Variants in SLC9A3 observed in about 807,000 individuals in gnomAD.
SLC9A3 encodes the protein sodium/hydrogen exchanger 3.
A neutral mutation model predicts 86.8 loss-of-function variants in SLC9A3; 37 were observed. That is an observed-to-expected ratio of 0.43 (90% CI 0.33 to 0.56). The LOEUF is 0.56. Ranked by LOEUF, SLC9A3 falls within the 20% of genes least tolerant of loss-of-function variation. The pLI is 0.06. For missense variants in SLC9A3, 1,011 were observed against 1,171.9 expected, an observed-to-expected ratio of 0.86 and a Z score of 2.00; for synonymous variants, 581 against 528.3, an observed-to-expected ratio of 1.10 and a Z score of -1.37.
intron 1 of SLC9A3, among the ~76,000 whole-genome samples, chr5:503,783 A>G (rs77239163): frequency 0.013 from 1,978 of 152,380 alleles, 41 homozygotes; most frequent in African/African-American, 0.045. Flanking sequence ...TTACCAATAA[A>G]GAACTTTCTT....
intron 4 of SLC9A3, 73 bp downstream of exon 4, chr5:485,080 C>T: frequency 8.8e-7 from 1 of 1,136,850 alleles, no homozygotes; most frequent in Non-Finnish European, 1.3e-6. Flanking sequence ...CCTGCATGGG[C>T]TGCAGGCCAG....
intron 1 of SLC9A3, among the ~76,000 whole-genome samples, chr5:507,328 C>T (rs1405505980): frequency 5.7e-4 from 72 of 126,778 alleles, no homozygotes; most frequent in South Asian, 1.3e-3. Flanking sequence ...CCACCACGCC[C>T]AGCTAATTTT....
chr5:506,866 G>A (rs893829965), intron 1 of SLC9A3, among the ~76,000 whole-genome samples: 7 of 147,786 alleles, frequency 4.7e-5, no homozygotes, highest in African/African-American at 7.5e-5. Flanking sequence ...ATGAGATCGA[G>A]ACCAGCCTGG....
chr5:486,200 G>A (rs556177013), intron 3 of SLC9A3, among the ~76,000 whole-genome samples: 2 of 152,272 alleles, frequency 1.3e-5, no homozygotes, highest in South Asian at 4.1e-4. Context: ...CCCTCCGGCT[G>A]CGTCTGCAGG....
Position 486,528 on chromosome 5 carries a change from G to A in SLC9A3, c.676-1297C>T, listed in dbSNP as rs186170838. 3.7e-3 allele frequency among the ~76,000 whole-genome samples: 562 copies of A among 152,278 alleles called. 2 individuals are homozygous for A. The highest frequency in any genetic ancestry group is 0.011 in the South Asian group (55 of 4,816). ...TGTGGAGGCACCGTCCCCGCCTCCC[G>A]GAACACCATCTCCTCCAGGGACACC... is the stretch of plus-strand genomic sequence containing the variant. On this transcript the variant is annotated intron_variant, in intron 3 of 16. Transcript: ENST00000264938.
intron 1 of SLC9A3, among the ~76,000 whole-genome samples, chr5:518,995 C>G (rs1177391726): frequency 1.3e-5 from 2 of 152,174 alleles, no homozygotes; most frequent in African/African-American, 4.8e-5. Flanking sequence ...TCAGGATTCT[C>G]CCGGGCGACA....
At position 496,271 on chromosome 5, in the gene SLC9A3, T is replaced by C. The variant is rs1246688216; in HGVS notation, c.212-4200A>G. Among the ~76,000 whole-genome samples, 2 of 152,168 alleles carry C rather than the reference T, an allele frequency of 1.3e-5. No homozygotes were observed. The highest frequency in any genetic ancestry group is 1.3e-4 in the Admixed American group (2 of 15,274). On this transcript the variant is annotated intron_variant, in intron 1 of 16. Transcript: ENST00000264938. The surrounding 1 kb of genome is among the most constrained non-coding windows in gnomAD (Gnocchi z 4.7). ...TGCAGTCTTCAGGGTGTGTGTGTGT[T>C]GAGAGCTCACCTGTGTCCTCCTGCA...
rs1325716001 is a variant in SLC9A3, at chr5:497,902, G to A, written c.212-5831C>T. Among the ~76,000 whole-genome samples the A allele has an allele frequency of 2.7e-5, 4 of 150,098 alleles. No homozygotes were observed. Among genetic ancestry groups the A allele is most frequent in the Non-Finnish European group, 3.0e-5 (2 of 67,412 alleles). On this transcript the variant is annotated intron_variant, in intron 1 of 16. Transcript: ENST00000264938. The surrounding 1 kb of genome is among the most constrained non-coding windows in gnomAD (Gnocchi z 5.4). ...CTCTGCCCCTGTCCCGGGTGGGGTC[G>A]CCCGGCCGCATCCCCAGCCTCTGCC... is the stretch of plus-strand genomic sequence containing the variant.
intron 1 of SLC9A3, among the ~76,000 whole-genome samples, chr5:493,279 G>T (rs1739876830): frequency 6.6e-6 from 1 of 152,254 alleles, no homozygotes; most frequent in East Asian, 1.9e-4. Flanking sequence ...AAATTCAAAG[G>T]AAAGTTGTCT....
chr5:473,842 C>G (rs3777225), intron 16 of SLC9A3, among the ~76,000 whole-genome samples: 1 of 152,038 alleles, frequency 6.6e-6, no homozygotes, highest in African/African-American at 2.4e-5. Context: ...GCCGGCCCTC[C>G]CTGTATCCCT....
At position 472,229 on chromosome 5, in the gene SLC9A3, C is replaced by G. The variant is rs947751735; in HGVS notation, c.*1150G>C. On this transcript the variant is annotated 3_prime_UTR_variant, in exon 17 of 17. Coordinates refer to ENST00000264938, the MANE Select transcript of SLC9A3 (RefSeq NM_004174.4). ...CCCTGCAGAGGACCAGGAGCTCTGT[C>G]CAAGGCCTCGCCCTGGGACGCTGGA... 2.8e-6 allele frequency: 1 copy of G among 357,582 alleles called. No homozygotes were observed. Among genetic ancestry groups the G allele is most frequent in the Non-Finnish European group, 5.5e-6 (1 of 182,096 alleles). The allele number at this position is 357,582 out of a possible 1,614,324, so 22.2% of individuals were successfully genotyped here. A position where few individuals can be genotyped will look rare whatever the true frequency, so the allele number is the denominator to read the frequency against.
intron 1 of SLC9A3, among the ~76,000 whole-genome samples, chr5:516,544 G>A (rs1219991148): frequency 2.0e-5 from 3 of 152,224 alleles, no homozygotes; most frequent in Non-Finnish European, 4.4e-5. Flanking sequence ...TGCATCTTCC[G>A]AGGTCTGGCA....
In SLC9A3 at chr5:482,098, T is replaced by C; in HGVS notation, c.1416A>G (p.Glu472=). ...WLKVKRSEHR[E]PRLNEKLHGR... ...CGTGCAGCTTCTCGTTGAGCCGAGG[T>C]TCCCGGTGCTCGCTCCTCTTCACCT... Residue 472 remains glutamate, a synonymous_variant, in exon 8 of 17, where the codon GAA becomes GAG. Coordinates refer to ENST00000264938, the MANE Select transcript of SLC9A3 (RefSeq NM_004174.4). 1 of 1,595,910 alleles carries C rather than the reference T, an allele frequency of 6.3e-7. No individual in the cohort carries two copies. The highest frequency in any genetic ancestry group is 2.3e-5 in the East Asian group (1 of 43,178).
In SLC9A3 at chr5:520,050, C is replaced by T. The variant is rs1733841193; in HGVS notation, c.211+4062G>A. 2.0e-5 allele frequency among the ~76,000 whole-genome samples: 3 copies of T among 152,152 alleles called. No individual in the cohort carries two copies. In the South Asian group the frequency reaches 6.2e-4, roughly 31 times the overall value. ...ACAAGCTCCACTTCGAGAGCCTGCC[C>T]CCACCGCCCCCACCCAGCCCCACTG... On this transcript the variant is annotated intron_variant, in intron 1 of 16. Coordinates refer to ENST00000264938, the MANE Select transcript of SLC9A3 (RefSeq NM_004174.4).
chr5:476,963 A>G (rs1579765373), intron 11 of SLC9A3: 3 of 531,132 alleles, frequency 5.6e-6, no homozygotes, highest in East Asian at 6.4e-5. Context: ...CGGGGACCCC[A>G]GCATCTGCAC....
At chr5:482,871 G>T in intron 6 of SLC9A3, 121 bp from the exon 7 acceptor site, 1 of 758,644 alleles carries the variant, frequency 1.3e-6, no homozygotes, top group Non-Finnish European at 2.1e-6. Flanking sequence ...CGGCACCCTA[G>T]ATACGGCGTC....
At chr5:503,436 G>A (rs1176290543) in intron 1 of SLC9A3, among the ~76,000 whole-genome samples, 1 of 152,208 alleles carries the variant, frequency 6.6e-6, no homozygotes, top group East Asian at 1.9e-4. Flanking sequence ...TACTCAGGGG[G>A]CTGAGGCCAG....
chr5:489,994 G>T (rs1739651745), intron 2 of SLC9A3, among the ~76,000 whole-genome samples: 1 of 152,252 alleles, frequency 6.6e-6, no homozygotes, highest in Admixed American at 6.5e-5. Flanking sequence ...GGCCAGCACT[G>T]CCATGTCGAC....
rs1307116764 is a variant in SLC9A3, at chr5:472,387, G to T, written c.*992C>A. The T allele has an allele frequency of 3.0e-6, 1 of 336,506 alleles. No individual in the cohort carries two copies. Among genetic ancestry groups the T allele is most frequent in the Non-Finnish European group, 5.8e-6 (1 of 172,240 alleles). 20.8% of individuals were successfully genotyped at this position (336,506 alleles called of 1,614,324 possible). A position where few individuals can be genotyped will look rare whatever the true frequency, so the allele number is the denominator to read the frequency against. ...CCATGCCCCCTGGTTTGTTAAGGGG[G>T]ACAGAGCAGCTGCTGGGCCCCACCA... On this transcript the variant is annotated 3_prime_UTR_variant, in exon 17 of 17. Coordinates refer to ENST00000264938, the MANE Select transcript of SLC9A3 (RefSeq NM_004174.4).
Sources: allele counts gnomAD v4.1 joint callset (sites outside exome capture counted in the v4.1 genomes callset), GRCh38; gene constraint gnomAD v4.1.1; non-coding constraint Gnocchi (gnomAD v3.1); transcripts MANE v1.5; gene names NCBI Gene and HGNC (gene_info 2026-07-23, HGNC 2026-07-21).